Variants in IMMP2L observed in about 807,000 individuals in gnomAD.
IMMP2L encodes the protein mitochondrial inner membrane protease subunit 2.
In IMMP2L, 18 loss-of-function variants were observed where a neutral mutation model predicts 19.3. That is an observed-to-expected ratio of 0.93 (90% CI 0.64 to 1.38). The LOEUF is 1.38. Ranked by LOEUF, IMMP2L falls within the 40% of genes most tolerant of loss-of-function variation. The pLI is 0.00. For missense variants in IMMP2L, 233 were observed against 218.2 expected, an observed-to-expected ratio of 1.07 and a Z score of -0.43; for synonymous variants, 76 against 73.0, an observed-to-expected ratio of 1.04 and a Z score of -0.21.
rs183827197 is a variant in IMMP2L, at chr7:111,108,433, A to G, written c.240-144868T>C. The stretch of plus-strand genomic sequence containing the variant: ...CACAAATTTTAAGAAACTAATCTGT[A>G]TATATTATACCCCCACTACACTGTG... On this transcript the variant is annotated intron_variant, in intron 3 of 5. Coordinates refer to ENST00000405709, the MANE Select transcript of IMMP2L (RefSeq NM_032549.4). 5.6e-4 allele frequency among the ~76,000 whole-genome samples: 86 copies of G among 152,286 alleles called. 1 individual carries two copies. The South Asian group carries it at 7.2e-3, about 13-fold the overall frequency.
intron 3 of IMMP2L, among the ~76,000 whole-genome samples, chr7:111,453,553 C>T (rs572964084): frequency 3.3e-5 from 5 of 152,056 alleles, no homozygotes; most frequent in African/African-American, 1.2e-4. Context: ...TGTTTGATAT[C>T]GGTAACTTGC....
At chr7:111,140,415 A>G (rs4730479) in intron 3 of IMMP2L, among the ~76,000 whole-genome samples, 110,132 of 152,064 alleles carry the variant, frequency 0.72, 44,018 homozygotes, top group East Asian at 0.91. Flanking sequence ...CAGGTGCATC[A>G]ATACTGGATA....
intron 1 of IMMP2L, among the ~76,000 whole-genome samples, chr7:111,522,710 C>A (rs192267483): frequency 1.3e-5 from 2 of 151,830 alleles, no homozygotes; most frequent in East Asian, 3.9e-4. Flanking sequence ...ATGGCCATTA[C>A]AGAAAAGAGT....
intron 5 of IMMP2L, among the ~76,000 whole-genome samples, chr7:110,723,098 G>T (rs1368828754): frequency 2.6e-5 from 4 of 152,094 alleles, no homozygotes; most frequent in Admixed American, 2.6e-4. Flanking sequence ...CCAACCATAA[G>T]ATGAAAAACA....
intron 3 of IMMP2L, among the ~76,000 whole-genome samples, chr7:111,129,598 G>A (rs542461973): frequency 1.6e-4 from 25 of 152,096 alleles, no homozygotes; most frequent in East Asian, 1.4e-3. Flanking sequence ...TAACTAGGTC[G>A]TTGCTTGGGA....
intron 3 of IMMP2L, among the ~76,000 whole-genome samples, chr7:111,108,013 T>C (rs755836702): frequency 1.3e-5 from 2 of 152,140 alleles, no homozygotes; most frequent in African/African-American, 4.8e-5. Flanking sequence ...CTTAACCGAG[T>C]ATATATGGCT....
intron 3 of IMMP2L, among the ~76,000 whole-genome samples, chr7:111,132,107 C>G (rs2129594219): frequency 6.6e-6 from 1 of 152,004 alleles, no homozygotes; most frequent in East Asian, 1.9e-4. Flanking sequence ...GATAAAGAGT[C>G]TTTATTTGTC....
intron 3 of IMMP2L, among the ~76,000 whole-genome samples, chr7:111,009,203 C>T (rs528147636): frequency 1.6e-4 from 25 of 152,142 alleles, no homozygotes; most frequent in Non-Finnish European, 7.4e-5. Context: ...TCAGATTGTT[C>T]TAGAAAAGAT....
intron 5 of IMMP2L, among the ~76,000 whole-genome samples, chr7:110,737,061 C>T (rs1184927654): frequency 6.6e-6 from 1 of 152,148 alleles, no homozygotes; most frequent in East Asian, 1.9e-4. Context: ...AGATAGGAGG[C>T]AGGACTAGCT....
chr7:110,691,301 C>T (rs1584513571), intron 5 of IMMP2L, among the ~76,000 whole-genome samples: 1 of 152,038 alleles, frequency 6.6e-6, no homozygotes, highest in Admixed American at 6.6e-5. Flanking sequence ...TATCTCTTAC[C>T]ATACACAAAA....
chr7:111,031,059 T>C (rs1435694645), intron 3 of IMMP2L, among the ~76,000 whole-genome samples: 1 of 151,606 alleles, frequency 6.6e-6, no homozygotes, highest in African/African-American at 2.4e-5. Flanking sequence ...TGATGAATTA[T>C]GGTAGGAGAC....
chr7:110,700,497 G>C (rs1794207486), intron 5 of IMMP2L, among the ~76,000 whole-genome samples: 1 of 152,088 alleles, frequency 6.6e-6, no homozygotes, highest in South Asian at 2.1e-4. Flanking sequence ...ACAAAGATTG[G>C]CACAAATACT....
At chr7:111,163,783 G>A (rs1047041613) in intron 3 of IMMP2L, among the ~76,000 whole-genome samples, 3 of 151,940 alleles carry the variant, frequency 2.0e-5, no homozygotes, top group East Asian at 1.9e-4. Context: ...TAGGGAATTC[G>A]GTCTATAATC....
At chr7:111,548,459 C>G (rs1169141642) in intron 1 of IMMP2L, among the ~76,000 whole-genome samples, 1 of 152,026 alleles carries the variant, frequency 6.6e-6, no homozygotes, top group Admixed American at 6.6e-5. Context: ...ATAGGATATT[C>G]CACCGTTCTG....
chr7:111,220,643 A>G (rs1812413479), intron 3 of IMMP2L, among the ~76,000 whole-genome samples: 1 of 151,614 alleles, frequency 6.6e-6, no homozygotes, highest in Non-Finnish European at 1.5e-5. Context: ...GAGAGAGAGA[A>G]GACAGACAGA....
At position 110,715,069 on chromosome 7, in the gene IMMP2L, A is replaced by G. The variant is rs115769049; in HGVS notation, c.409-51348T>C. 5.3e-3 allele frequency among the ~76,000 whole-genome samples: 807 copies of G among 152,118 alleles called. 9 individuals are homozygous for G. The highest frequency in any genetic ancestry group is 0.019 in the African/African-American group (770 of 41,482). On this transcript the variant is annotated intron_variant, in intron 5 of 5. Coordinates refer to ENST00000405709, the MANE Select transcript of IMMP2L (RefSeq NM_032549.4). Reference sequence around the variant, plus strand: ...AGTTTGTGTGCATATAGGTGTTCATATTTGTCTCTGAGGATGCTTTATGTT... The same window carrying G: ...AGTTTGTGTGCATATAGGTGTTCATGTTTGTCTCTGAGGATGCTTTATGTT...
chr7:110,715,703 T>C (rs1795189999), intron 5 of IMMP2L, among the ~76,000 whole-genome samples: 3 of 152,068 alleles, frequency 2.0e-5, no homozygotes, highest in African/African-American at 7.2e-5. Context: ...ATGTTCGGGG[T>C]GTAGATGAGG....
intron 5 of IMMP2L, among the ~76,000 whole-genome samples, chr7:110,674,754 A>G (rs2130376036): frequency 6.6e-6 from 1 of 152,348 alleles, no homozygotes; most frequent in Non-Finnish European, 1.5e-5. Flanking sequence ...GGTCCTTCAC[A>G]GTCACATCCT....
intron 3 of IMMP2L, among the ~76,000 whole-genome samples, chr7:111,433,802 C>T (rs1489666921): frequency 1.3e-5 from 2 of 151,356 alleles, no homozygotes; most frequent in Admixed American, 6.6e-5. Flanking sequence ...GATGACACAA[C>T]CAAATTTTTA....
Sources: gnomAD v4.1 joint callset for allele counts (sites outside exome capture counted in the v4.1 genomes callset) on GRCh38, gnomAD v4.1.1 for gene constraint, MANE v1.5 for transcripts, NCBI Gene and HGNC (gene_info 2026-07-23, HGNC 2026-07-21) for gene names.